ACACB: variants seen among roughly 807,000 people sequenced by gnomAD.
ACACB encodes acetyl-CoA carboxylase beta.
ACACB carries 209 observed loss-of-function variants against 278.8 expected under a neutral mutation model. The ratio of observed to expected loss-of-function variants is 0.75; its 90% confidence interval spans 0.67 to 0.84. ACACB has a LOEUF of 0.84. ACACB is among the 40% of genes least tolerant of loss of function. The pLI, the probability that ACACB is intolerant of heterozygous loss-of-function variation, is 0.00. For missense variants in ACACB, 2,850 were observed against 3,269.0 expected (o/e 0.87, Z 3.13); for synonymous variants, 1,174 against 1,285.6 (o/e 0.91, Z 1.86).
chr12:109,251,670 C>A (rs2047099047), intron 41 of ACACB, among the ~76,000 whole-genome samples: 1 of 152,118 alleles, frequency 6.6e-6, no homozygotes, highest in Admixed American at 6.5e-5. Context: ...TCAGTACAGA[C>A]CTTATTTTGA....
rs762094121 is a variant in ACACB at position 109,258,991 on chromosome 12, C to T, written c.6379C>T (p.Gln2127Ter). The T allele has an allele frequency of 3.1e-6, 5 of 1,614,152 alleles. No individual in the cohort carries two copies. Among genetic ancestry groups the T allele is most frequent in the Non-Finnish European group, 4.2e-6 (5 of 1,180,014 alleles). Residue 2127 changes from glutamine (Q) to a stop codon, truncating the protein, a stop_gained, in exon 47 of 53, where the codon CAG (glutamine) becomes TAG (stop). Coordinates refer to ENST00000338432, the MANE Select transcript of ACACB (RefSeq NM_001093.4). LOFTEE classifies it high-confidence loss of function. ...SEAKIIQQAG[Q>*]VWFPDSAYKT... ...GTTCCAGATAATTCAGCAGGCAGGA[C>T]AGGTGTGGTTCCCAGACTCAGCCTA...
chr12:109,202,121 T>G (rs548231354), intron 19 of ACACB, among the ~76,000 whole-genome samples: 1 of 152,278 alleles, frequency 6.6e-6, no homozygotes, highest in East Asian at 1.9e-4. Flanking sequence ...CTGGGAGCTT[T>G]GATTCCAATG....
chr12:109,176,080 G>A (rs368823665), intron 8 of ACACB, 40 bp downstream of exon 8: 34 of 1,610,822 alleles, frequency 2.1e-5, no homozygotes, highest in Admixed American at 6.7e-5. Context: ...AGCCAGAACC[G>A]AACTGCCTCT....
In ACACB at chr12:109,232,761, G is replaced by C. The variant is rs748021201; in HGVS notation, c.4094G>C (p.Arg1365Pro). 1 of 1,614,120 alleles carries C rather than the reference G, an allele frequency of 6.2e-7. No homozygotes were observed. The highest frequency in any genetic ancestry group is 1.1e-5 in the South Asian group (1 of 91,078). ...MDSGFSPLCQ[R>P]MGAMVAFRRF... The stretch of plus-strand genomic sequence containing the variant: ...AGCGGCTTCTCCCCACTGTGCCAGC[G>C]CATGGGAGCCATGGTAGCCTTCAGG... Residue 1365 changes from arginine to proline, a missense_variant, in exon 29 of 53, where the codon CGC (arginine) becomes CCC (proline). By Grantham distance (103) the Arg-to-Pro change is moderately radical. Transcript: ENST00000338432.
intron 18 of ACACB, among the ~76,000 whole-genome samples, chr12:109,199,880 G>T (rs1229008645): frequency 6.6e-6 from 1 of 152,028 alleles, no homozygotes; most frequent in East Asian, 2.0e-4. Context: ...GGGCATGGTG[G>T]CAGGCGCCTG....
chr12:109,237,830 G>A (rs1565957942), intron 34 of ACACB, among the ~76,000 whole-genome samples: 1 of 151,986 alleles, frequency 6.6e-6, no homozygotes, highest in Non-Finnish European at 1.5e-5. Context: ...TGGCCAACAT[G>A]GTGAAACCCT....
rs371080483 is a variant in ACACB at position 109,266,332 on chromosome 12, G to C, written c.7347G>C (p.Leu2449=). ...AGCGGGCGCAGGTCGTTCACCTGCT[G>C]TCTACCATGGACAGCCCGGCCTCCA... is the stretch of plus-strand genomic sequence containing the variant. ...PAERAQVVHL[L]STMDSPAST The change falls in exon 53 of 53, where the codon CTG becomes CTC. Residue 2449 remains leucine, a synonymous_variant. Transcript: ENST00000338432. The C allele has an allele frequency of 6.2e-7, 1 of 1,612,398 alleles. No homozygotes were observed. Among genetic ancestry groups the C allele is most frequent in the African/African-American group, 1.3e-5 (1 of 75,022 alleles).
At chr12:109,196,924 C>T (rs1593528684) in intron 16 of ACACB, 84 bp from the exon 17 acceptor site, 3 of 1,409,024 alleles carry the variant, frequency 2.1e-6, no homozygotes, top group Admixed American at 3.3e-5. Flanking sequence ...GGACAACCAG[C>T]TCTTGTTTGT....
At chr12:109,204,717 T>A (rs1260853781) in intron 19 of ACACB, among the ~76,000 whole-genome samples, 1 of 152,226 alleles carries the variant, frequency 6.6e-6, no homozygotes, top group Non-Finnish European at 1.5e-5. Flanking sequence ...TGTTTTAATT[T>A]TCAGCTCCCA....
Position 109,233,800 on chromosome 12 carries a change from C to G in ACACB, c.4192C>G (p.Leu1398Val). Residue 1398 changes from leucine to valine, a missense_variant, in exon 30 of 53, where the codon CTC becomes GTC. This residue lies in a region of ACACB where 2,265 missense variants were observed against 2,561.3 expected (regional missense o/e 0.88). Coordinates refer to ENST00000338432, the MANE Select transcript of ACACB (RefSeq NM_001093.4). The stretch of plus-strand genomic sequence containing the variant: ...CGCCAACGTGCCCAAAGACACCCCC[C>G]TCTTCAGCGAGGCCCGCACCTCCCT... ...CFANVPKDTPLFSEARTSLYS... is the reference protein window; with the variant it reads ...CFANVPKDTPVFSEARTSLYS... 2 of 1,614,212 alleles carry G rather than the reference C, an allele frequency of 1.2e-6. No individual in the cohort carries two copies. The highest frequency in any genetic ancestry group is 1.7e-6 in the Non-Finnish European group (2 of 1,180,028).
In ACACB at chr12:109,210,558, T is replaced by C. The variant is rs1019254723; in HGVS notation, c.3249+1205T>C. ...ATATATACGTGCATGTATATATACA[T>C]ATATACATGTATGTGTGTATATACA... On this transcript the variant is annotated intron_variant, in intron 21 of 52. Transcript: ENST00000338432. Among the ~76,000 whole-genome samples, 9 of 148,716 alleles carry C rather than the reference T, an allele frequency of 6.1e-5. No individual in the cohort carries two copies. In the East Asian group the frequency reaches 1.6e-3, roughly 26 times the overall value.
At chr12:109,222,294 C>CGAGTGAGTGAGGGAGTGAGT (rs2046190997) in intron 24 of ACACB, among the ~76,000 whole-genome samples, 1 of 150,862 alleles carries the variant, frequency 6.6e-6, no homozygotes, top group African/African-American at 2.4e-5. Context: ...AATGGGTGGC[C>CGAGTGAGTGAGGGAGTGAGT]GAGTGAGTGA....
chr12:109,128,814 T>A (rs184713970), intron 1 of ACACB, among the ~76,000 whole-genome samples: 1 of 152,002 alleles, frequency 6.6e-6, no homozygotes, highest in East Asian at 2.0e-4. Context: ...TTAATTAATT[T>A]GTTTTCTGAG....
At chr12:109,179,379 T>C in intron 10 of ACACB, 82 bp downstream of exon 10, 1 of 1,421,306 alleles carries the variant, frequency 7.0e-7, no homozygotes, top group South Asian at 1.2e-5. Flanking sequence ...ACGGTCAGTG[T>C]GGCTGAATGG....
intron 18 of ACACB, among the ~76,000 whole-genome samples, chr12:109,200,553 T>C (rs1252575228): frequency 6.6e-6 from 1 of 152,156 alleles, no homozygotes; most frequent in Non-Finnish European, 1.5e-5. Context: ...CCAGCAATAA[T>C]TGAAAGGTGT....
At chr12:109,141,677 G>C (rs990854884) in intron 2 of ACACB, among the ~76,000 whole-genome samples, 1 of 152,222 alleles carries the variant, frequency 6.6e-6, no homozygotes, top group African/African-American at 2.4e-5. Context: ...TGTTAGCAGT[G>C]AGCTTGGTTT....
intron 39 of ACACB, 24 bp from the exon 40 acceptor site, chr12:109,247,582 A>G: frequency 6.4e-7 from 1 of 1,567,322 alleles, no homozygotes; most frequent in East Asian, 2.2e-5. Context: ...CTGGATTCGT[A>G]GCCTCACTAA....
At chr12:109,223,775 A>G in intron 26 of ACACB, 40 bp from the exon 27 acceptor site, 1 of 1,557,254 alleles carries the variant, frequency 6.4e-7, no homozygotes, top group Non-Finnish European at 8.9e-7. Flanking sequence ...AAACTTGTTC[A>G]CATTTACTTT....
chr12:109,210,453 A>ATG (rs1057229296), intron 21 of ACACB, among the ~76,000 whole-genome samples: 3 of 136,616 alleles, frequency 2.2e-5, no homozygotes, highest in South Asian at 2.3e-4. Flanking sequence ...ATGTGTATAT[A>ATG]TGTATATATA....
Sources: allele counts gnomAD v4.1 joint callset (sites outside exome capture counted in the v4.1 genomes callset), GRCh38; gene constraint gnomAD v4.1.1; regional missense constraint gnomAD v4.1.1; transcripts MANE v1.5; gene names NCBI Gene and HGNC (gene_info 2026-07-23, HGNC 2026-07-21).